Variants in PRRG1 observed in about 807,000 individuals in gnomAD.
PRRG1 encodes the protein transmembrane gamma-carboxyglutamic acid protein 1.
A neutral mutation model predicts 11.8 loss-of-function variants in PRRG1; 5 were observed. That is an observed-to-expected ratio of 0.42 (90% CI 0.22 to 0.89). The LOEUF (loss-of-function observed/expected upper bound fraction) is 0.89. Ranked by LOEUF, PRRG1 falls within the 40% of genes least tolerant of loss-of-function variation. The pLI, the probability that PRRG1 is intolerant of heterozygous loss-of-function variation, is 0.28. For missense variants in PRRG1, 155 were observed against 166.1 expected (o/e 0.93, Z 0.37); for synonymous variants, 66 against 60.4 (o/e 1.09, Z -0.43).
chrX:37,406,345 T>G, intron 2 of PRRG1, 86 bp downstream of exon 2: 1 of 938,854 alleles, frequency 1.1e-6, no homozygotes, highest in Non-Finnish European at 1.5e-6. Flanking sequence ...CATAGTATAT[T>G]TGTGGACACC....
chrX:37,408,333 T>C (rs2146585242), intron 2 of PRRG1, among the ~76,000 whole-genome samples: 1 of 112,103 alleles, frequency 8.9e-6, no homozygotes, highest in East Asian at 2.8e-4. Flanking sequence ...CAGCCAGTTA[T>C]ATGAGGAGGC....
intron 1 of PRRG1, among the ~76,000 whole-genome samples, chrX:37,394,942 A>G (rs1931665533): frequency 2.7e-5 from 3 of 112,115 alleles, no homozygotes; most frequent in Admixed American, 1.9e-4. Context: ...ATTGAACCAT[A>G]TTGACCAACT....
At chrX:37,442,190 A>G in intron 3 of PRRG1, 2 of 754,068 alleles carry the variant, frequency 2.7e-6, no homozygotes, top group South Asian at 6.8e-5. Flanking sequence ...CAGTGTTACC[A>G]TTATTGGCAA....
chrX:37,455,098 G>C lies in PRRG1; in HGVS notation c.*1477G>C, dbSNP rs983149083. 2.0e-4 allele frequency: 22 copies of C among 111,225 alleles called. No homozygotes were observed. The highest frequency in any genetic ancestry group is 7.2e-4 in the African/African-American group (22 of 30,631). 9.2% of individuals were successfully genotyped at this position (111,225 alleles called of 1,213,427 possible). A position where few individuals can be genotyped will look rare whatever the true frequency, so the allele number is the denominator to read the frequency against. ...GCTCCATCCCTACAGACTCCTCCCC[G>C]AGTCCTGCCCTGGAACCAAAGGAAG... On this transcript the variant is annotated 3_prime_UTR_variant, in exon 4 of 4. Coordinates refer to ENST00000378628, the MANE Select transcript of PRRG1 (RefSeq NM_001142395.2).
intron 1 of PRRG1, among the ~76,000 whole-genome samples, chrX:37,374,395 T>A (rs1930870839): frequency 8.9e-6 from 1 of 111,965 alleles, no homozygotes; most frequent in Admixed American, 9.5e-5. Flanking sequence ...TCTCTGTATT[T>A]ATTCTGCTTT....
At chrX:37,363,364 T>G (rs1930472041) in intron 1 of PRRG1, among the ~76,000 whole-genome samples, 2 of 112,430 alleles carry the variant, frequency 1.8e-5, no homozygotes, top group Admixed American at 1.9e-4. Flanking sequence ...GAGGATTTAC[T>G]ATGCATGCAT....
At chrX:37,384,811 TATAGAG>T (rs1931270359) in intron 1 of PRRG1, among the ~76,000 whole-genome samples, 1 of 111,813 alleles carries the variant, frequency 8.9e-6, no homozygotes, top group African/African-American at 3.2e-5. Context: ...TTTGTAAGAA[TATAGAG>T]ATATAGAATA....
At chrX:37,383,718 T>A (rs782454397) in intron 1 of PRRG1, among the ~76,000 whole-genome samples, 13 of 111,445 alleles carry the variant, frequency 1.2e-4, no homozygotes, top group Non-Finnish European at 2.3e-4. Context: ...ATTTAGTGTA[T>A]CTGACCTTAT....
intron 1 of PRRG1, among the ~76,000 whole-genome samples, chrX:37,389,762 A>T (rs116225411): frequency 0.046 from 5,107 of 111,399 alleles, 303 homozygotes; most frequent in African/African-American, 0.16. Flanking sequence ...AGGGACAGAG[A>T]TCCAAACCAT....
chrX:37,399,661 G>T (rs1307099239), intron 1 of PRRG1, among the ~76,000 whole-genome samples: 3 of 101,533 alleles, frequency 3.0e-5, no homozygotes, highest in African/African-American at 1.1e-4. Context: ...TGGACTAAAT[G>T]CTCCAATTAA....
At chrX:37,394,846 A>G (rs1385712501) in intron 1 of PRRG1, among the ~76,000 whole-genome samples, 11 of 111,095 alleles carry the variant, frequency 9.9e-5, no homozygotes, top group Non-Finnish European at 1.7e-4. Flanking sequence ...AGCTGAAGCC[A>G]AATCATATTT....
At chrX:37,353,637 T>G in intron 1 of PRRG1, among the ~76,000 whole-genome samples, 1 of 112,112 alleles carries the variant, frequency 8.9e-6, no homozygotes, top group Non-Finnish European at 1.9e-5. Context: ...TTTTTATCTT[T>G]TATACCTATT....
At chrX:37,437,306 G>C (rs188669186) in intron 3 of PRRG1, among the ~76,000 whole-genome samples, 32 of 109,651 alleles carry the variant, frequency 2.9e-4, no homozygotes, top group Admixed American at 9.7e-4. Context: ...CAGTCAGGGC[G>C]GGGGGGGAGG....
intron 1 of PRRG1, among the ~76,000 whole-genome samples, chrX:37,351,692 C>T (rs1423886003): frequency 9.0e-6 from 1 of 111,405 alleles, no homozygotes; most frequent in Non-Finnish European, 1.9e-5. Context: ...AAAAGAGGTG[C>T]AAAAACTCTA....
chrX:37,365,393 A>G (rs1393021644), intron 1 of PRRG1, among the ~76,000 whole-genome samples: 1 of 111,432 alleles, frequency 9.0e-6, no homozygotes, highest in Non-Finnish European at 1.9e-5. Flanking sequence ...GCAGGTGCAG[A>G]TGTGAGTTTG....
At chrX:37,419,110 A>G (rs1418598175) in intron 2 of PRRG1, among the ~76,000 whole-genome samples, 1 of 112,446 alleles carries the variant, frequency 8.9e-6, no homozygotes, top group Non-Finnish European at 1.9e-5. Context: ...TCATATCTGT[A>G]GTGATTATGT....
intron 1 of PRRG1, among the ~76,000 whole-genome samples, chrX:37,367,894 T>C (rs1210063609): frequency 2.7e-5 from 3 of 112,752 alleles, no homozygotes; most frequent in African/African-American, 9.7e-5. Context: ...TGCATATCTT[T>C]TTCCTGCTGC....
intron 1 of PRRG1, among the ~76,000 whole-genome samples, chrX:37,381,618 T>C (rs1931156773): frequency 9.0e-6 from 1 of 111,537 alleles, no homozygotes; most frequent in Non-Finnish European, 1.9e-5. Flanking sequence ...TTATCTCTCT[T>C]ATTATTGATC....
chrX:37,365,961 A>G (rs1023321563), intron 1 of PRRG1, among the ~76,000 whole-genome samples: 11 of 111,947 alleles, frequency 9.8e-5, no homozygotes, highest in African/African-American at 3.6e-4. Flanking sequence ...AGGTGACAGG[A>G]TATTCTGTTC....
Sources: gnomAD v4.1 joint callset for allele counts (sites outside exome capture counted in the v4.1 genomes callset) on GRCh38, gnomAD v4.1.1 for gene constraint, MANE v1.5 for transcripts, NCBI Gene and HGNC (gene_info 2026-07-23, HGNC 2026-07-21) for gene names.